Variants in MDN1 observed in about 807,000 individuals in gnomAD.
MDN1 encodes the protein midasin AAA ATPase 1.
Under a neutral mutation model 669.2 loss-of-function variants are expected in MDN1, and 266 were observed. The ratio of observed to expected loss-of-function variants is 0.40; its 90% CI spans 0.36 to 0.44. The LOEUF (loss-of-function observed/expected upper bound fraction) is 0.44, where lower values mean the gene tolerates loss of function less well. Ranked by LOEUF, MDN1 falls within the 20% of genes least tolerant of loss-of-function variation. MDN1 has a pLI of 1.00. For missense variants in MDN1, 5,940 were observed against 6,754.0 expected, an observed-to-expected ratio of 0.88 and a Z score of 4.22; for synonymous variants, 2,385 against 2,457.1, an observed-to-expected ratio of 0.97 and a Z score of 0.87.
Position 89,658,796 on chromosome 6 carries a change from G to A in MDN1, c.14835C>T (p.Pro4945=), listed in dbSNP as rs773133300. 6.2e-7 allele frequency: 1 copy of A among 1,614,062 alleles called. No individual in the cohort carries two copies. The highest frequency in any genetic ancestry group is 1.1e-5 in the South Asian group (1 of 91,046). ...SQSPQEPEEG[P]SEDDKAEGEE... ...CCCCTTCTGCCTTGTCATCTTCACT[G>A]GGGCCTTCCTCAGGCTCCTGTGGAC... Residue 4945 remains proline, a synonymous_variant, in exon 89 of 102, where the codon CCC becomes CCT. Coordinates refer to ENST00000369393, the MANE Select transcript of MDN1 (RefSeq NM_014611.3).
In MDN1 at chr6:89,799,977, T is replaced by G. The variant is rs1767524843; in HGVS notation, c.329+3351A>C. Among the ~76,000 whole-genome samples the G allele has an allele frequency of 7.2e-5, 11 of 151,998 alleles. No individual in the cohort carries two copies. The South Asian group carries it at 2.3e-3, about 32-fold the overall frequency. On this transcript the variant is annotated intron_variant, in intron 2 of 101. Coordinates refer to ENST00000369393, the MANE Select transcript of MDN1 (RefSeq NM_014611.3). The stretch of plus-strand genomic sequence containing the variant: ...GTCCCTAAGGAGTGGGGGGCACTGG[T>G]TGGTTGCCAGGAGAACCAACCAAGT...
At chr6:89,764,727 A>G (rs1258357143) in intron 15 of MDN1, among the ~76,000 whole-genome samples, 12 of 152,236 alleles carry the variant, frequency 7.9e-5, no homozygotes, top group Non-Finnish European at 4.4e-5. Flanking sequence ...CAGAAGAAAT[A>G]GCAAGCATTT....
At chr6:89,693,701 C>CA (rs1812531873) in intron 62 of MDN1, among the ~76,000 whole-genome samples, 1 of 152,112 alleles carries the variant, frequency 6.6e-6, no homozygotes, top group Non-Finnish European at 1.5e-5. Flanking sequence ...AAACGAACCC[C>CA]AAATCCAAAA....
rs79129363 is a variant in MDN1, at chr6:89,781,555, A to G, written c.1487T>C (p.Val496Ala). ...GATATAAATGTCAAGCAGGTGATCA[A>G]CCACTGCCAATAGGCTAGGATATCT... ...QSRYPSLLAV[V>A]DHLLDIYIQL... The change falls in exon 10 of 102, where the codon GTT (valine) becomes GCT (alanine). Residue 496 changes from valine to alanine, a missense_variant. Val to Ala is a moderately conservative substitution (Grantham distance 64). Around this residue, in one of 5 missense-constraint regions of MDN1, gnomAD observed 1,203 missense variants for 1,268.9 expected, o/e 0.95. Coordinates refer to ENST00000369393, the MANE Select transcript of MDN1 (RefSeq NM_014611.3). 8.7e-6 allele frequency: 14 copies of G among 1,612,976 alleles called. No individual in the cohort carries two copies. Among genetic ancestry groups the G allele is most frequent in the Non-Finnish European group, 1.2e-5 (14 of 1,179,160 alleles).
intron 92 of MDN1, among the ~76,000 whole-genome samples, chr6:89,654,744 C>T (rs1366172341): frequency 6.6e-6 from 1 of 152,122 alleles, no homozygotes; most frequent in Non-Finnish European, 1.5e-5. Context: ...ATGTTCCCAA[C>T]ACAAAGAAAT....
chr6:89,772,661 C>T lies in MDN1; in HGVS notation c.1995G>A (p.Val665=), dbSNP rs1289866640. The part of the protein sequence containing the change: ...PSSVLIEQLA[V]CVSKGEPVLL... ...ACACAGGCTCCCCTTTGCTGACACA[C>T]ACTGCAAGCTGCTCGATGAGAACAG... Residue 665 remains valine, a synonymous_variant, in exon 14 of 102, where the codon GTG becomes GTA. Transcript: ENST00000369393. 13 of 1,614,022 alleles carry T rather than the reference C, an allele frequency of 8.1e-6. No homozygotes were observed. The highest frequency in any genetic ancestry group is 1.3e-5 in the African/African-American group (1 of 74,930).
chr6:89,814,661 C>A, intron 1 of MDN1: 1 of 255,776 alleles, frequency 3.9e-6, no homozygotes, highest in South Asian at 4.5e-5. Flanking sequence ...GCAGAGTAGA[C>A]TCTTGGCCAG....
At chr6:89,792,759 G>A (rs1006955321) in intron 5 of MDN1, among the ~76,000 whole-genome samples, 1 of 151,888 alleles carries the variant, frequency 6.6e-6, no homozygotes, top group African/African-American at 2.4e-5. Flanking sequence ...GAAGAAAAGT[G>A]GGTGGCCTGG....
rs1206393344 is a variant in MDN1 at position 89,789,818 on chromosome 6, T to C, written c.1192A>G (p.Ile398Val). ...LTQAATMGHWILLEDIDYAPL... is the reference protein window; with the variant it reads ...LTQAATMGHWVLLEDIDYAPL... The stretch of plus-strand genomic sequence containing the variant: ...GCATAGTCAATATCCTCCAGAAGGA[T>C]CCAGTGGCCCATTGTGGCTGCCTGT... Residue 398 changes from isoleucine to valine, a missense_variant, in exon 7 of 102, where the codon ATC (isoleucine) becomes GTC (valine). Transcript: ENST00000369393. 2 of 1,613,930 alleles carry C rather than the reference T, an allele frequency of 1.2e-6. No homozygotes were observed. Among genetic ancestry groups the C allele is most frequent in the Non-Finnish European group, 1.7e-6 (2 of 1,180,008 alleles).
chr6:89,647,845 A>T (rs887009126), intron 99 of MDN1, among the ~76,000 whole-genome samples, 187 bp downstream of exon 99: 9 of 152,126 alleles, frequency 5.9e-5, no homozygotes, highest in Non-Finnish European at 8.8e-5. Flanking sequence ...CCTAGCTACT[A>T]GGGAGGCTGA....
chr6:89,699,475 C>A, intron 58 of MDN1, 126 bp downstream of exon 58: 1 of 1,119,492 alleles, frequency 8.9e-7, no homozygotes, highest in Non-Finnish European at 1.2e-6. Context: ...AGAGGCAATT[C>A]AAAAAAACCT....
At chr6:89,804,384 C>A (rs568964015) in intron 1 of MDN1, among the ~76,000 whole-genome samples, 5 of 152,164 alleles carry the variant, frequency 3.3e-5, no homozygotes, top group African/African-American at 1.2e-4. Flanking sequence ...AAGGCTGTTA[C>A]AAATAAGTTT....
chr6:89,654,117 T>C (rs1809080081), intron 93 of MDN1, 47 bp downstream of exon 93: 1 of 1,603,950 alleles, frequency 6.2e-7, no homozygotes, highest in Non-Finnish European at 8.5e-7. Flanking sequence ...AACTGACTAC[T>C]TCAAGTCAGA....
intron 58 of MDN1, 141 bp from the exon 59 acceptor site, chr6:89,699,176 C>T: frequency 1.4e-6 from 1 of 704,736 alleles, no homozygotes; most frequent in Non-Finnish European, 2.3e-6. Context: ...CTCTGCCACC[C>T]CAGTCAACTT....
chr6:89,748,415 A>G (rs1816775150), intron 26 of MDN1, among the ~76,000 whole-genome samples: 1 of 152,204 alleles, frequency 6.6e-6, no homozygotes, highest in Non-Finnish European at 1.5e-5. Flanking sequence ...AGTCTTCATT[A>G]TTATTAGCTT....
chr6:89,773,065 T>C (rs964523556), intron 13 of MDN1, among the ~76,000 whole-genome samples: 5 of 152,206 alleles, frequency 3.3e-5, no homozygotes, highest in African/African-American at 1.2e-4. Context: ...CAGTACCTAG[T>C]TGTAATAGGT....
At position 89,712,221 on chromosome 6, in the gene MDN1, A is replaced by C. The variant is rs573153509; in HGVS notation, c.7466T>G (p.Ile2489Ser). Residue 2489 changes from isoleucine to serine, a missense_variant, in exon 49 of 102, where the codon ATT becomes AGT. Coordinates refer to ENST00000369393, the MANE Select transcript of MDN1 (RefSeq NM_014611.3). ...GTTCTCAGGGCTGGGGGACTGCATA[A>C]TTTTCTCTAAGTCTTGCAAGGTAAA... ...QPFTLQDLEK[I>S]MQSPSPENLK... 5.0e-6 allele frequency: 8 copies of C among 1,614,082 alleles called. No individual in the cohort carries two copies. In the South Asian group the frequency reaches 8.8e-5, roughly 18 times the overall value.
chr6:89,747,378 A>G lies in MDN1; in HGVS notation c.3855T>C (p.Ala1285=), dbSNP rs530311576. The G allele has an allele frequency of 6.2e-7, 1 of 1,614,180 alleles. No homozygotes were observed. Among genetic ancestry groups the G allele is most frequent in the African/African-American group, 1.3e-5 (1 of 75,058 alleles). Residue 1285 remains alanine, a synonymous_variant, in exon 27 of 102, where the codon GCT becomes GCC. Coordinates refer to ENST00000369393, the MANE Select transcript of MDN1 (RefSeq NM_014611.3). ...LFRWAERYRL[A]EPTEKEYDWL... is the part of the protein sequence containing the mutation. ...AGTCATACTCCTTCTCGGTCGGCTCAGCCAATCTGTATCTTTCAGCCCATC... is the reference window on the plus strand; with the variant it reads ...AGTCATACTCCTTCTCGGTCGGCTCGGCCAATCTGTATCTTTCAGCCCATC...
At chr6:89,715,852 C>A (rs1814333519) in intron 44 of MDN1, 83 bp from the exon 45 acceptor site, 1 of 871,332 alleles carries the variant, frequency 1.1e-6, no homozygotes, top group Non-Finnish European at 2.0e-6. Context: ...GCTCCAAATG[C>A]TTTTGACTCA....
Sources: gnomAD v4.1 joint callset for allele counts (sites outside exome capture counted in the v4.1 genomes callset) on GRCh38, gnomAD v4.1.1 for gene constraint, gnomAD v4.1.1 regional missense constraint, MANE v1.5 for transcripts, NCBI Gene and HGNC (gene_info 2026-07-23, HGNC 2026-07-21) for gene names.